Variants in FGF12 observed in about 807,000 individuals in gnomAD.
FGF12 encodes fibroblast growth factor 12, also known as fibroblast growth factor 12B.
In FGF12, 14 loss-of-function variants were observed where a neutral mutation model predicts 23.6. That is an observed-to-expected ratio of 0.59 (90% CI 0.39 to 0.93). The LOEUF is 0.93. Among genes scored for constraint, FGF12 ranks in the 40% least tolerant of loss-of-function variants. The probability of loss-of-function intolerance (pLI) is 0.00; values close to 1 mark genes in which losing one functional copy is unlikely to be tolerated. For synonymous variants in FGF12, 62 were observed against 77.3 expected, an observed-to-expected ratio of 0.80 and a Z score of 1.04; for missense variants, 175 against 217.8, an observed-to-expected ratio of 0.80 and a Z score of 1.24.
chr3:192,443,122 T>C (rs1212413462), intron 2 of FGF12, among the ~76,000 whole-genome samples: 1 of 152,200 alleles, frequency 6.6e-6, no homozygotes, highest in African/African-American at 2.4e-5. Context: ...CTTCCATCTT[T>C]ATTAACAAGA....
At chr3:192,463,740 G>A (rs1722928696) in intron 2 of FGF12, among the ~76,000 whole-genome samples, 1 of 152,208 alleles carries the variant, frequency 6.6e-6, no homozygotes, top group African/African-American at 2.4e-5. Context: ...GATGATGGAA[G>A]AGTAAGAGCT....
At chr3:192,717,231 G>A (rs1258953647) in intron 2 of FGF12, among the ~76,000 whole-genome samples, 1 of 152,124 alleles carries the variant, frequency 6.6e-6, no homozygotes, top group African/African-American at 2.4e-5. Flanking sequence ...TTAAGTAGTG[G>A]TTAAGCTCAT....
chr3:192,200,209 G>C (rs1447492138), intron 4 of FGF12, among the ~76,000 whole-genome samples: 2 of 151,460 alleles, frequency 1.3e-5, no homozygotes, highest in East Asian at 3.9e-4. Context: ...TGCTCCTGTA[G>C]TCCCAGCTAC....
At chr3:192,225,503 G>A (rs777802443) in intron 4 of FGF12, among the ~76,000 whole-genome samples, 36 of 152,090 alleles carry the variant, frequency 2.4e-4, no homozygotes, top group Non-Finnish European at 4.4e-4. Flanking sequence ...ATCATCATAT[G>A]TTGTTGATGG....
chr3:192,413,186 A>C (rs1009042090), intron 2 of FGF12, among the ~76,000 whole-genome samples: 1 of 152,224 alleles, frequency 6.6e-6, no homozygotes, highest in African/African-American at 2.4e-5. Flanking sequence ...CAAGTCTTTC[A>C]ACTTCCAAAT....
In FGF12 at chr3:192,669,168, T is replaced by C. The variant is rs552765888; in HGVS notation, c.13+58013A>G. ...ATGTTAGAGTAGAATATTGTATTAG[T>C]GAAATGGAAGTTAAAAGATTATGAT... On this transcript the variant is annotated intron_variant, in intron 2 of 5. Transcript: ENST00000445105. 5.3e-5 allele frequency among the ~76,000 whole-genome samples: 8 copies of C among 152,234 alleles called. No individual in the cohort carries two copies. The South Asian group carries it at 1.5e-3, about 28-fold the overall frequency.
chr3:192,345,550 G>C (rs1429244942), intron 3 of FGF12, among the ~76,000 whole-genome samples: 1 of 94,608 alleles, frequency 1.1e-5, no homozygotes, highest in Non-Finnish European at 1.8e-5. Flanking sequence ...AGCCGGGCGT[G>C]GTAGCGGGCG....
At chr3:192,247,764 G>T (rs987965438) in intron 4 of FGF12, among the ~76,000 whole-genome samples, 7 of 152,162 alleles carry the variant, frequency 4.6e-5, no homozygotes, top group African/African-American at 1.7e-4. Context: ...TGGCTTCCAG[G>T]AGAGATGAAG....
intron 2 of FGF12, among the ~76,000 whole-genome samples, chr3:192,484,315 TAAAA>T (rs57914760): frequency 0.095 from 9,393 of 99,238 alleles, 977 homozygotes; most frequent in African/African-American, 0.26. Flanking sequence ...TCCATTTTCC[TAAAA>T]AAAAAAAAAA....
intron 2 of FGF12, among the ~76,000 whole-genome samples, chr3:192,490,972 C>G (rs1028842314): frequency 6.6e-6 from 1 of 152,104 alleles, no homozygotes; most frequent in African/African-American, 2.4e-5. Context: ...GTTGTGTTCA[C>G]TCTGTGAAAT....
In FGF12 at chr3:192,542,849, G is replaced by A. The variant is rs115922857; in HGVS notation, c.14-182311C>T. ...AAAGACTCATGTTCTCTTTCCTTAC[G>A]TTCTCCCAAACAGCTCAGCTCTGTG... On this transcript the variant is annotated intron_variant, in intron 2 of 5. Transcript: ENST00000445105. Among the ~76,000 whole-genome samples the A allele has an allele frequency of 7.1e-3, 1,077 of 152,210 alleles. 4 individuals carry two copies. The highest frequency in any genetic ancestry group is 0.024 in the African/African-American group (1,004 of 41,520).
At chr3:192,709,344 G>A (rs548132936) in intron 2 of FGF12, among the ~76,000 whole-genome samples, 1 of 152,270 alleles carries the variant, frequency 6.6e-6, no homozygotes, top group African/African-American at 2.4e-5. Flanking sequence ...TTGGAGTCCT[G>A]TATCTGTATC....
chr3:192,180,756 T>A (rs1312546870), intron 4 of FGF12, among the ~76,000 whole-genome samples: 1 of 152,212 alleles, frequency 6.6e-6, no homozygotes, highest in Non-Finnish European at 1.5e-5. Context: ...CTTTCCGATG[T>A]AAGCAATTAT....
chr3:192,389,265 C>A (rs1720190891), intron 2 of FGF12, among the ~76,000 whole-genome samples: 1 of 152,178 alleles, frequency 6.6e-6, no homozygotes, highest in Non-Finnish European at 1.5e-5. Flanking sequence ...GAGTCTGAGG[C>A]AGGAGAATCA....
chr3:192,249,313 T>C (rs1711845910), intron 4 of FGF12, among the ~76,000 whole-genome samples: 1 of 152,206 alleles, frequency 6.6e-6, no homozygotes, highest in Non-Finnish European at 1.5e-5. Flanking sequence ...TACTTACATA[T>C]ACAATACTGC....
intron 2 of FGF12, among the ~76,000 whole-genome samples, chr3:192,710,554 T>C (rs1375436487): frequency 6.6e-6 from 1 of 152,226 alleles, no homozygotes; most frequent in Non-Finnish European, 1.5e-5. Flanking sequence ...AACAGGCAAC[T>C]AACTTGGATT....
At chr3:192,284,053 T>C (rs1216610813) in intron 4 of FGF12, among the ~76,000 whole-genome samples, 3 of 152,062 alleles carry the variant, frequency 2.0e-5, no homozygotes, top group Non-Finnish European at 4.4e-5. Flanking sequence ...AATCCCACAC[T>C]CTGTCTTAGA....
chr3:192,243,042 T>G (rs1421506393), intron 4 of FGF12, among the ~76,000 whole-genome samples: 2 of 152,050 alleles, frequency 1.3e-5, no homozygotes, highest in Non-Finnish European at 2.9e-5. Context: ...TATTCAGGAA[T>G]AATACTGATA....
chr3:192,271,838 T>A (rs150670586), intron 4 of FGF12, among the ~76,000 whole-genome samples: 2,804 of 152,218 alleles, frequency 0.018, 49 homozygotes, highest in Middle Eastern at 0.041. Flanking sequence ...GGACACTAGT[T>A]TTGCAGCACT....
Sources: gnomAD v4.1 joint callset for allele counts (sites outside exome capture counted in the v4.1 genomes callset) on GRCh38, gnomAD v4.1.1 for gene constraint, MANE v1.5 for transcripts, NCBI Gene and HGNC (gene_info 2026-07-23, HGNC 2026-07-21) for gene names.